TTF1: variants seen among roughly 807,000 people sequenced by gnomAD.
TTF1 encodes the protein transcription termination factor, RNA polymerase I.
Under a neutral mutation model 80.2 loss-of-function variants are expected in TTF1, and 64 were observed. That is an observed-to-expected ratio of 0.80 (90% CI 0.65 to 0.98). The LOEUF (loss-of-function observed/expected upper bound fraction) is 0.98. Ranked by LOEUF, TTF1 falls within the 50% of genes least tolerant of loss-of-function variation. TTF1 has a pLI of 0.00. For missense variants in TTF1, 1,023 were observed against 1,086.2 expected (o/e 0.94, Z 0.82); for synonymous variants, 372 against 382.7 (o/e 0.97, Z 0.33).
intron 10 of TTF1, among the ~76,000 whole-genome samples, chr9:132,378,391 A>ATGTGGTGTGAG (rs1849288094): frequency 1.0e-5 from 1 of 99,504 alleles, no homozygotes; most frequent in Non-Finnish European, 1.9e-5. Flanking sequence ...GTGTGAGTGC[A>ATGTGGTGTGAG]TGCATGTGGT....
chr9:132,394,493 T>C (rs1041800333), intron 5 of TTF1, among the ~76,000 whole-genome samples: 1 of 151,252 alleles, frequency 6.6e-6, no homozygotes, highest in African/African-American at 2.4e-5. Context: ...TTGGCCAGTC[T>C]GGTCTCGAAC....
chr9:132,376,228 C>A, intron 10 of TTF1, 60 bp from the exon 11 acceptor site: 2 of 1,540,684 alleles, frequency 1.3e-6, no homozygotes, highest in Non-Finnish European at 1.7e-6. Context: ...TTATCAAGGT[C>A]GAGGCATACA....
In TTF1 at chr9:132,400,236, GTTC is replaced by G. The variant is rs1564190166; in HGVS notation, c.1387_1389del (p.Glu463del). The G allele has an allele frequency of 6.2e-7, 1 of 1,614,160 alleles. No homozygotes were observed. The highest frequency in any genetic ancestry group is 1.1e-5 in the South Asian group (1 of 91,082). On this transcript the variant is annotated inframe_deletion, in exon 3 of 11. Coordinates refer to ENST00000334270, the MANE Select transcript of TTF1 (RefSeq NM_007344.4). ...GAATCTTCAGCTGTTTCCACATTGT[GTTC>G]TTCATTTGCAGGTTCTAACCTAAGG...
intron 3 of TTF1, among the ~76,000 whole-genome samples, chr9:132,398,994 G>A (rs905989557): frequency 6.6e-6 from 1 of 151,996 alleles, no homozygotes; most frequent in Non-Finnish European, 1.5e-5. Context: ...TCAGGAGTTT[G>A]AGACCAGCCT....
chr9:132,378,329 T>TGA, intron 10 of TTF1, among the ~76,000 whole-genome samples: 1 of 136,418 alleles, frequency 7.3e-6, no homozygotes, highest in Non-Finnish European at 1.6e-5. Context: ...GTGGTGTGTG[T>TGA]GTGAATTCAT....
Position 132,375,964 on chromosome 9 carries a change from T to C in TTF1, c.2669A>G (p.His890Arg). ...ESEGQAPCMA[H>R]ACNSSTLGGQ... ...TCCCAAAGTACTGGAATTACAGGCG[T>C]GAGCCATGCATGGCGCCTGGCCTTC... Residue 890 changes from histidine to arginine, a missense_variant, in exon 11 of 11, where the codon CAC becomes CGC. Transcript: ENST00000334270. The C allele has an allele frequency of 1.2e-6, 2 of 1,611,788 alleles. No homozygotes were observed. Among genetic ancestry groups the C allele is most frequent in the Non-Finnish European group, 1.7e-6 (2 of 1,179,080 alleles).
At chr9:132,397,509 C>G (rs150496669) in intron 4 of TTF1, among the ~76,000 whole-genome samples, 1 of 152,112 alleles carries the variant, frequency 6.6e-6, no homozygotes, top group Non-Finnish European at 1.5e-5. Flanking sequence ...ACACGGGAGA[C>G]CATGGTGCGT....
intron 7 of TTF1, 137 bp from the exon 8 acceptor site, chr9:132,388,365 C>T: frequency 1.9e-6 from 1 of 521,318 alleles, no homozygotes; most frequent in Non-Finnish European, 3.3e-6. Context: ...GAGACGGGGT[C>T]TCACTTTGTC....
intron 8 of TTF1, among the ~76,000 whole-genome samples, chr9:132,387,819 C>T (rs62576525): frequency 5.5e-4 from 83 of 152,280 alleles, no homozygotes; most frequent in African/African-American, 1.7e-3. Context: ...CATTTTCCAA[C>T]GGGCGTAAAT....
chr9:132,391,672 C>A (rs938745097), intron 6 of TTF1, among the ~76,000 whole-genome samples: 2 of 152,320 alleles, frequency 1.3e-5, no homozygotes, highest in South Asian at 4.1e-4. Context: ...AGAGGAGACA[C>A]AGACAGGAGG....
rs994363989 is a variant in TTF1 at position 132,379,336 on chromosome 9, T to G, written c.2379-192A>C. On this transcript the variant is annotated intron_variant, in intron 9 of 10. Coordinates refer to ENST00000334270, the MANE Select transcript of TTF1 (RefSeq NM_007344.4). ...ATGGAAAGCTATTGTTTATTTGGTT[T>G]AAAAAAATGTAAAGGGGAAAAAGAA... 52 of 446,680 alleles carry G rather than the reference T, an allele frequency of 1.2e-4. No individual in the cohort carries two copies. The East Asian group carries it at 2.0e-3, about 17-fold the overall frequency. The allele number at this position is 446,680 out of a possible 1,614,324, so 27.7% of individuals were successfully genotyped here. A position where few individuals can be genotyped will look rare whatever the true frequency, so the allele number is the denominator to read the frequency against.
chr9:132,377,597 GGT>G (rs1191202134), intron 10 of TTF1, among the ~76,000 whole-genome samples: 11 of 76,722 alleles, frequency 1.4e-4, no homozygotes, highest in South Asian at 4.8e-4. Flanking sequence ...GAGTGCATGT[GGT>G]GTGTGTGTGA....
chr9:132,399,474 G>A (rs1038294440), intron 3 of TTF1, among the ~76,000 whole-genome samples: 4 of 151,950 alleles, frequency 2.6e-5, no homozygotes, highest in African/African-American at 7.3e-5. Flanking sequence ...CTCATTTGTA[G>A]TATACAGCCT....
chr9:132,405,952 T>C (rs1849858206), intron 1 of TTF1, among the ~76,000 whole-genome samples: 1 of 152,172 alleles, frequency 6.6e-6, no homozygotes, highest in African/African-American at 2.4e-5. Flanking sequence ...CCTCTCTAAC[T>C]CCTTAGCCGG....
chr9:132,390,907 A>G (rs776917109), intron 6 of TTF1, 76 bp from the exon 7 acceptor site: 1 of 1,376,730 alleles, frequency 7.3e-7, no homozygotes, highest in Non-Finnish European at 1.0e-6. Context: ...TGAAATGATA[A>G]ATCGGGTACT....
intron 5 of TTF1, among the ~76,000 whole-genome samples, chr9:132,392,858 T>A (rs1200062363): frequency 2.0e-5 from 3 of 152,224 alleles, no homozygotes; most frequent in African/African-American, 7.2e-5. Context: ...AATAATATAT[T>A]TCATTGAACT....
chr9:132,402,685 TG>T lies in TTF1; in HGVS notation c.136del (p.Gln46SerfsTer4). 5 of 1,614,160 alleles carry T rather than the reference TG, an allele frequency of 3.1e-6. No individual in the cohort carries two copies. The highest frequency in any genetic ancestry group is 4.2e-6 in the Non-Finnish European group (5 of 1,180,046). On this transcript the variant is annotated frameshift_variant, in exon 2 of 11. Coordinates refer to ENST00000334270, the MANE Select transcript of TTF1 (RefSeq NM_007344.4). LOFTEE classifies it high-confidence loss of function. ...CTTTTTCCTCCTAGTTATTTGAGAC[TG>T]TTCATTCACCAGGGAGGAGTCTCTG... is the stretch of plus-strand genomic sequence containing the variant. Reference protein sequence around the residue: ...IFRDSSLVNEQSQITRRKKRK... With the variant: ...IFRDSSLVNEXSQITRRKKRK...
chr9:132,394,222 A>G (rs889635974), intron 5 of TTF1, among the ~76,000 whole-genome samples: 3 of 151,418 alleles, frequency 2.0e-5, no homozygotes, highest in Non-Finnish European at 4.4e-5. Flanking sequence ...ATAACATCGG[A>G]GCATTTTCAG....
intron 6 of TTF1, among the ~76,000 whole-genome samples, 167 bp from the exon 7 acceptor site, chr9:132,390,998 ACG>A (rs1849549901): frequency 1.3e-5 from 2 of 152,378 alleles, no homozygotes; most frequent in South Asian, 4.1e-4. Context: ...AATTACTAAC[ACG>A]GTCATGGATT....
Sources: gnomAD v4.1 joint callset for allele counts (sites outside exome capture counted in the v4.1 genomes callset) on GRCh38, gnomAD v4.1.1 for gene constraint, MANE v1.5 for transcripts, NCBI Gene and HGNC (gene_info 2026-07-23, HGNC 2026-07-21) for gene names.